Variants in SRRM4 observed in about 807,000 individuals in gnomAD.
SRRM4 encodes the protein serine/arginine repetitive matrix 4, also known as serine/arginine repetitive matrix protein 4.
A neutral mutation model predicts 68.9 loss-of-function variants in SRRM4; 33 were observed. That is an observed-to-expected ratio of 0.48 (90% CI 0.36 to 0.64). SRRM4 has a LOEUF of 0.64. Among genes scored for constraint, SRRM4 ranks in the 30% least tolerant of loss-of-function variants. SRRM4 has a pLI of 0.00. For synonymous variants in SRRM4, 318 were observed against 318.8 expected (o/e 1.00, Z 0.03); for missense variants, 817 against 827.1 (o/e 0.99, Z 0.15).
intron 6 of SRRM4, among the ~76,000 whole-genome samples, chr12:119,123,006 T>C (rs1164439171): frequency 6.6e-6 from 1 of 152,216 alleles, no homozygotes; most frequent in East Asian, 1.9e-4. Flanking sequence ...AAAGTAAATT[T>C]GGTTACAACC....
At chr12:119,117,847 G>T (rs1565912176) in intron 4 of SRRM4, among the ~76,000 whole-genome samples, 1 of 152,176 alleles carries the variant, frequency 6.6e-6, no homozygotes, top group Admixed American at 6.5e-5. Context: ...GGGAGTCAGA[G>T]GTTGCAGTGA....
At chr12:119,137,306 T>A (rs11064682) in intron 8 of SRRM4, among the ~76,000 whole-genome samples, 86,380 of 152,012 alleles carry the variant, frequency 0.57, 25,105 homozygotes, top group East Asian at 0.88. Flanking sequence ...TATTTTTGTA[T>A]CCTATTAGGC....
intron 1 of SRRM4, among the ~76,000 whole-genome samples, chr12:119,012,808 T>A (rs1917879): frequency 6.6e-6 from 1 of 151,940 alleles, no homozygotes; most frequent in Non-Finnish European, 1.5e-5. Context: ...TTTTCTTGTC[T>A]CTATTGATAC....
At chr12:118,989,694 C>T (rs1466572382) in intron 1 of SRRM4, 1 of 152,204 alleles carries the variant, frequency 6.6e-6, no homozygotes, top group Non-Finnish European at 1.5e-5. Context: ...AACCCTAAAA[C>T]AGTCATTAAG....
At chr12:119,153,849 C>G (rs1565920744) in intron 11 of SRRM4, among the ~76,000 whole-genome samples, 200 bp downstream of exon 11, 1 of 152,042 alleles carries the variant, frequency 6.6e-6, no homozygotes, top group African/African-American at 2.4e-5. Context: ...GTCTCCAGCC[C>G]AAACAGTCCC....
At chr12:119,077,977 C>A (rs1953926368) in intron 1 of SRRM4, among the ~76,000 whole-genome samples, 1 of 152,164 alleles carries the variant, frequency 6.6e-6, no homozygotes, top group Admixed American at 6.5e-5. Context: ...CTCTCACTAG[C>A]TCAAATCCTA....
rs897812345 is a variant in SRRM4, at chr12:119,116,791, C to T, written c.366-146C>T. ...AGCAATTAAAAATTGCTTACAAATG[C>T]AAGCTAGTATCAGCATGGATATTAT... On this transcript the variant is annotated intron_variant, in intron 3 of 12. Coordinates refer to ENST00000267260, the MANE Select transcript of SRRM4 (RefSeq NM_194286.4). 4.5e-5 allele frequency: 26 copies of T among 576,174 alleles called. No homozygotes were observed. In the East Asian group the frequency reaches 4.6e-4, roughly 10 times the overall value. 35.7% of individuals were successfully genotyped at this position (576,174 alleles called of 1,614,324 possible).
At chr12:119,076,195 C>A (rs931111128) in intron 1 of SRRM4, among the ~76,000 whole-genome samples, 5 of 152,146 alleles carry the variant, frequency 3.3e-5, no homozygotes, top group African/African-American at 1.2e-4. Flanking sequence ...ACAGTGATGA[C>A]AATGACAGCT....
At chr12:119,049,641 T>C (rs993729686) in intron 1 of SRRM4, among the ~76,000 whole-genome samples, 4 of 152,162 alleles carry the variant, frequency 2.6e-5, no homozygotes, top group Non-Finnish European at 5.9e-5. Flanking sequence ...GTGTATCAGT[T>C]TTCTAGAACT....
intron 7 of SRRM4, among the ~76,000 whole-genome samples, chr12:119,127,823 T>A (rs900981875): frequency 6.6e-6 from 1 of 152,072 alleles, no homozygotes; most frequent in Admixed American, 6.6e-5. Flanking sequence ...GAGGAATATT[T>A]ACCCAAATCC....
intron 1 of SRRM4, among the ~76,000 whole-genome samples, chr12:119,068,229 T>C (rs1185473847): frequency 1.3e-5 from 2 of 152,236 alleles, no homozygotes; most frequent in Non-Finnish European, 1.5e-5. Context: ...ACCTAGGGCC[T>C]GTGTCATAGC....
At chr12:118,996,265 C>T (rs978539859) in intron 1 of SRRM4, among the ~76,000 whole-genome samples, 1 of 152,176 alleles carries the variant, frequency 6.6e-6, no homozygotes, top group African/African-American at 2.4e-5. Flanking sequence ...GAATCACAGG[C>T]ATCTTGGGTT....
At chr12:119,024,687 C>T (rs1314099219) in intron 1 of SRRM4, among the ~76,000 whole-genome samples, 4 of 152,192 alleles carry the variant, frequency 2.6e-5, no homozygotes, top group Non-Finnish European at 5.9e-5. Flanking sequence ...AAGAACTGCT[C>T]CTGTCTAAAC....
intron 1 of SRRM4, among the ~76,000 whole-genome samples, chr12:118,993,612 T>C (rs1398348512): frequency 1.3e-5 from 2 of 152,134 alleles, no homozygotes; most frequent in South Asian, 2.1e-4. Flanking sequence ...CTTCTTTCCA[T>C]GGTGGGTCCT....
chr12:119,156,481 T>C lies in SRRM4; in HGVS notation c.1533-14T>C, dbSNP rs1954471874. The C allele has an allele frequency of 1.9e-6, 3 of 1,582,348 alleles. No homozygotes were observed. In the East Asian group the frequency reaches 6.8e-5, roughly 36 times the overall value. On this transcript the variant is annotated splice_polypyrimidine_tract_variant and intron_variant, in intron 12 of 12. Coordinates refer to ENST00000267260, the MANE Select transcript of SRRM4 (RefSeq NM_194286.4). ...GGGGCCGGCCCTCATCCCTCCTCTC[T>C]CTGGTCTCTGCAGTGCCCGGAAACG... is the stretch of plus-strand genomic sequence containing the variant.
intron 9 of SRRM4, among the ~76,000 whole-genome samples, chr12:119,148,031 T>G (rs1465140525): frequency 2.3e-5 from 3 of 128,758 alleles, no homozygotes; most frequent in Non-Finnish European, 3.3e-5. Context: ...AGCTTATAAT[T>G]AATGAGGCAG....
chr12:118,989,240 T>C (rs982276664), intron 1 of SRRM4, among the ~76,000 whole-genome samples: 1 of 152,180 alleles, frequency 6.6e-6, no homozygotes, highest in Non-Finnish European at 1.5e-5. Context: ...AGTGATGACT[T>C]TGAACAGCAA....
rs188516220 is a variant in SRRM4, at chr12:119,046,476, G to C, written c.132-55760G>C. 2.4e-4 allele frequency among the ~76,000 whole-genome samples: 37 copies of C among 152,280 alleles called. No individual in the cohort carries two copies. The East Asian group carries it at 4.8e-3, about 20-fold the overall frequency. ...TGGAAGGATTTTGTATGGATTAAATGAGACAACCTGTGAAAGAAACATCTA... is the reference window on the plus strand; with the variant it reads ...TGGAAGGATTTTGTATGGATTAAATCAGACAACCTGTGAAAGAAACATCTA... On this transcript the variant is annotated intron_variant, in intron 1 of 12. Transcript: ENST00000267260.
intron 7 of SRRM4, among the ~76,000 whole-genome samples, chr12:119,128,732 T>C (rs941229191): frequency 6.6e-6 from 1 of 152,166 alleles, no homozygotes; most frequent in Non-Finnish European, 1.5e-5. Flanking sequence ...TGACTCAGCC[T>C]GAGCACTTCA....
Sources: gnomAD v4.1 joint callset for allele counts (sites outside exome capture counted in the v4.1 genomes callset) on GRCh38, gnomAD v4.1.1 for gene constraint, MANE v1.5 for transcripts, NCBI Gene and HGNC (gene_info 2026-07-23, HGNC 2026-07-21) for gene names.